The following MAGEA11 variants were observed in gnomAD, a reference collection of about 807,000 sequenced individuals.
MAGEA11 encodes melanoma-associated antigen 11.
A neutral mutation model predicts 8.4 loss-of-function variants in MAGEA11; 1 was observed. That is an observed-to-expected ratio of 0.12 (90% CI 0.04 to 0.57). The LOEUF is 0.57. Ranked by LOEUF, MAGEA11 falls within the 20% of genes least tolerant of loss-of-function variation. The pLI is 0.91. For synonymous variants in MAGEA11, 127 were observed against 119.3 expected (o/e 1.06, Z -0.42); for missense variants, 209 against 317.3 (o/e 0.66, Z 2.59).
chrX:149,688,661 CATATA>C, upstream of MAGEA11, among the ~76,000 whole-genome samples: 1 of 6,056 alleles, frequency 1.7e-4, no homozygotes, highest in East Asian at 0.016. Flanking sequence ...TATACACATA[CATATA>C]CATATACATA....
chrX:149,709,938 G>T (rs1253212326), upstream of MAGEA11, among the ~76,000 whole-genome samples: 1 of 111,808 alleles, frequency 8.9e-6, no homozygotes, highest in African/African-American at 3.3e-5. Context: ...TTTCAAAGTT[G>T]TATTGGAATA....
upstream of MAGEA11, chrX:149,688,433 G>A (rs1465216429): frequency 8.9e-6 from 1 of 112,122 alleles, no homozygotes; most frequent in Non-Finnish European, 1.9e-5. Flanking sequence ...TGTGTTTTCC[G>A]AGGTCTCCTT....
At position 149,716,162 on chromosome X, in the gene MAGEA11, A is replaced by G. The variant is rs782234120; in HGVS notation, c.676A>G (p.Ile226Val). The change falls in exon 5 of 5, where the codon ATA (isoleucine) becomes GTA (valine). Residue 226 changes from isoleucine (I) to valine (V), a missense_variant. Ile to Val is a conservative substitution (Grantham distance 29). Coordinates refer to ENST00000355220, the MANE Select transcript of MAGEA11 (RefSeq NM_005366.5). Reference sequence around the variant, plus strand: ...TTCCCAAGATATACTACATGACAAGATAATTGATTTGGTTCATTTATTGCT... The same window carrying G: ...TTCCCAAGATATACTACATGACAAGGTAATTGATTTGGTTCATTTATTGCT... Reference protein sequence around the residue: ...SFSQDILHDKIIDLVHLLLRK... With the variant: ...SFSQDILHDKVIDLVHLLLRK... 4 of 1,210,628 alleles carry G rather than the reference A, an allele frequency of 3.3e-6. No homozygotes were observed. The highest frequency in any genetic ancestry group is 4.5e-6 in the Non-Finnish European group (4 of 895,363).
chrX:149,695,087 T>C (rs189983640), intron 1 of MAGEA11, among the ~76,000 whole-genome samples: 2 of 112,192 alleles, frequency 1.8e-5, no homozygotes, highest in Admixed American at 1.9e-4. Context: ...ATCTCGCCTC[T>C]GATGCCACCA....
At chrX:149,702,470 T>G (rs1403654903) in intron 1 of MAGEA11, among the ~76,000 whole-genome samples, 3 of 111,544 alleles carry the variant, frequency 2.7e-5, no homozygotes, top group Admixed American at 1.9e-4. Context: ...TTGTCTGGTA[T>G]TAGCATAGCC....
At chrX:149,708,786 T>C (rs1396065672), upstream of MAGEA11, among the ~76,000 whole-genome samples, 2 of 111,324 alleles carry the variant, frequency 1.8e-5, no homozygotes, top group African/African-American at 6.5e-5. Context: ...TGGTTTACAT[T>C]ATTCCAGCAT....
intron 1 of MAGEA11, among the ~76,000 whole-genome samples, chrX:149,706,664 C>A (rs782551577): frequency 8.9e-6 from 1 of 111,952 alleles, no homozygotes; most frequent in African/African-American, 3.2e-5. Flanking sequence ...TGTTCATAAG[C>A]CTCAGCACTG....
exon 1 of MAGEA11, chrX:149,688,974 C>T (rs782564130): frequency 1.6e-5 from 16 of 1,025,328 alleles, no homozygotes; most frequent in Admixed American, 2.5e-5. Context: ...CTAGGAATAC[C>T]AATGAGCAAG....
At position 149,697,700 on chromosome X, in the gene MAGEA11, C is replaced by T. The variant is rs182954446; in HGVS notation, c.9+8716C>T. Among the ~76,000 whole-genome samples the T allele has an allele frequency of 4.0e-3, 443 of 111,348 alleles. 3 individuals carry two copies. Among genetic ancestry groups the T allele is most frequent in the Middle Eastern group, 0.014 (3 of 215 alleles). On this transcript the variant is annotated intron_variant, in intron 1 of 3. Coordinates refer to the MAGEA11 transcript ENST00000333104. The stretch of plus-strand genomic sequence containing the variant: ...TTTGTGTGCCAGGCCCAGGGCCTTG[C>T]TGCTTTGTGCAATCTCAAAACTTGG...
upstream of MAGEA11, among the ~76,000 whole-genome samples, chrX:149,709,214 G>C (rs1163129014): frequency 1.8e-5 from 2 of 109,184 alleles, no homozygotes; most frequent in African/African-American, 6.7e-5. Flanking sequence ...GAACCTGGGA[G>C]GAGGAGGTTG....
At chrX:149,708,452 A>G (rs2090386307), upstream of MAGEA11, among the ~76,000 whole-genome samples, 1 of 112,494 alleles carries the variant, frequency 8.9e-6, no homozygotes, top group Admixed American at 9.4e-5. Context: ...TTACAAAAAT[A>G]AATAATAAAG....
chrX:149,695,595 C>G, intron 1 of MAGEA11, among the ~76,000 whole-genome samples: 1 of 111,482 alleles, frequency 9.0e-6, no homozygotes, highest in Non-Finnish European at 1.9e-5. Flanking sequence ...AGAATATGAA[C>G]AGAAATTTCC....
chrX:149,689,833 G>C (rs915852892), intron 1 of MAGEA11, among the ~76,000 whole-genome samples: 1 of 112,580 alleles, frequency 8.9e-6, no homozygotes, highest in East Asian at 2.8e-4. Context: ...TGTTTACCCA[G>C]TTCTTCATTG....
At chrX:149,691,757 C>T (rs1557360153) in intron 1 of MAGEA11, among the ~76,000 whole-genome samples, 1 of 112,272 alleles carries the variant, frequency 8.9e-6, no homozygotes, top group Non-Finnish European at 1.9e-5. Flanking sequence ...TTTAGTCTCC[C>T]TGTCCTCTAA....
intron 1 of MAGEA11, among the ~76,000 whole-genome samples, chrX:149,690,777 A>G (rs1162808350): frequency 9.0e-5 from 7 of 77,503 alleles, no homozygotes; most frequent in Non-Finnish European, 1.9e-4. Flanking sequence ...TTTCTCTGGC[A>G]TCACTTTCCA....
At chrX:149,698,839 G>A (rs1391191718) in intron 1 of MAGEA11, among the ~76,000 whole-genome samples, 5 of 110,574 alleles carry the variant, frequency 4.5e-5, no homozygotes, top group African/African-American at 1.6e-4. Context: ...TAGCTCCCAC[G>A]TATGAGTGAC....
chrX:149,688,738 A>C (rs2090298405), upstream of MAGEA11: 1 of 253,372 alleles, frequency 3.9e-6, no homozygotes, highest in Admixed American at 5.4e-5. Context: ...ATATACAATT[A>C]GCCTACATTA....
At chrX:149,694,268 A>C (rs1372815038) in intron 1 of MAGEA11, among the ~76,000 whole-genome samples, 5 of 112,279 alleles carry the variant, frequency 4.5e-5, no homozygotes, top group African/African-American at 1.3e-4. Context: ...AGTGTATGTA[A>C]AGTGGTATCT....
chrX:149,689,702 A>G (rs1386350252), intron 1 of MAGEA11, among the ~76,000 whole-genome samples: 4 of 112,181 alleles, frequency 3.6e-5, no homozygotes, highest in African/African-American at 1.3e-4. Context: ...GCACATATCT[A>G]TGTGGATGCC....
Sources: gnomAD v4.1 joint callset for allele counts (sites outside exome capture counted in the v4.1 genomes callset) on GRCh38, gnomAD v4.1.1 for gene constraint, MANE v1.5 for transcripts, NCBI Gene and HGNC (gene_info 2026-07-23, HGNC 2026-07-21) for gene names.